The following LHX4 variants were observed in gnomAD, a reference collection of about 807,000 sequenced individuals.
LHX4 encodes LIM/homeobox protein Lhx4.
In LHX4, 16 loss-of-function variants were observed where a neutral mutation model predicts 39.2. The observed-to-expected ratio is 0.41, with a 90% CI of 0.28 to 0.62. LHX4 has a LOEUF of 0.62. Ranked by LOEUF, LHX4 falls within the 20% of genes least tolerant of loss-of-function variation. LHX4 has a pLI of 0.33. For synonymous variants in LHX4, 206 were observed against 198.1 expected, an observed-to-expected ratio of 1.04 and a Z score of -0.33; for missense variants, 439 against 511.9, an observed-to-expected ratio of 0.86 and a Z score of 1.37.
At chr1:180,261,275 G>A (rs772042395) in intron 2 of LHX4, among the ~76,000 whole-genome samples, 3 of 149,602 alleles carry the variant, frequency 2.0e-5, no homozygotes, top group Non-Finnish European at 2.9e-5. Context: ...TGAAGGGTGC[G>A]GGGAGTGGGC....
intron 1 of LHX4, among the ~76,000 whole-genome samples, chr1:180,238,026 T>C (rs1434667789): frequency 6.6e-6 from 1 of 152,262 alleles, no homozygotes; most frequent in African/African-American, 2.4e-5. Context: ...GATATCCTAC[T>C]GAAGAATACT....
intron 1 of LHX4, among the ~76,000 whole-genome samples, chr1:180,242,134 T>C (rs946535288): frequency 3.9e-5 from 6 of 152,174 alleles, no homozygotes; most frequent in African/African-American, 1.2e-4. Context: ...CCCCACTGCT[T>C]CAGGATTGGA....
chr1:180,266,314 G>C lies in LHX4; in HGVS notation c.249-78G>C, dbSNP rs1477052635. 1 of 1,421,770 alleles carries C rather than the reference G, an allele frequency of 7.0e-7. No homozygotes were observed. Among genetic ancestry groups the C allele is most frequent in the East Asian group, 2.3e-5 (1 of 44,010 alleles). The allele number at this position is 1,421,770 out of a possible 1,614,324, so 88.1% of individuals were successfully genotyped here. ...AGTCCCGGAGTGGTGGGGTAGGAGG[G>C]AGGCTGCTCCAGGAAGTTGGGGGAA... On this transcript the variant is annotated intron_variant, in intron 2 of 5. Transcript: ENST00000263726. The surrounding 1 kb of genome is among the most constrained non-coding windows in gnomAD (Gnocchi z 5.7).
chr1:180,269,880 A>C (rs2149265079), intron 3 of LHX4: 1 of 146,734 alleles, frequency 6.8e-6, no homozygotes, highest in South Asian at 2.2e-4. Flanking sequence ...GGGCTCCGGA[A>C]TCCCTACCCT....
At chr1:180,229,145 G>T (rs563161107), upstream of LHX4, among the ~76,000 whole-genome samples, 5 of 152,366 alleles carry the variant, frequency 3.3e-5, no homozygotes, top group African/African-American at 9.6e-5. Flanking sequence ...CATGCATCTC[G>T]TAAATACAGT....
In LHX4 at chr1:180,271,859, A is replaced by C; in HGVS notation, c.631A>C (p.Lys211Gln). 5 of 1,613,868 alleles carry C rather than the reference A, an allele frequency of 3.1e-6. No homozygotes were observed. The highest frequency in any genetic ancestry group is 4.2e-6 in the Non-Finnish European group (5 of 1,179,978). ...VQVWFQNRRA[K>Q]EKRLKKDAGR... ...GGTTTGGTTTCAGAACAGAAGGGCC[A>C]AAGAGAAACGCCTGAAGAAGGATGC... Residue 211 changes from lysine (K) to glutamine (Q), a missense_variant, in exon 5 of 6, where the codon AAA (lysine) becomes CAA (glutamine). Physicochemically the swap from Lys to Gln is moderately conservative, Grantham distance 53 (BLOSUM62 1). Transcript: ENST00000263726.
intron 2 of LHX4, among the ~76,000 whole-genome samples, chr1:180,261,060 A>C (rs1648096052): frequency 6.6e-6 from 1 of 151,906 alleles, no homozygotes; most frequent in Admixed American, 6.5e-5. Context: ...TTAGTAAACC[A>C]TGGGCCTCAT....
chr1:180,260,374 C>A (rs1021603500), intron 2 of LHX4, among the ~76,000 whole-genome samples: 1 of 151,726 alleles, frequency 6.6e-6, no homozygotes, highest in Non-Finnish European at 1.5e-5. Context: ...AAGGCTCGGT[C>A]CCTGCAGGGC....
chr1:180,243,063 A>C (rs751660851), intron 1 of LHX4, among the ~76,000 whole-genome samples: 21 of 152,114 alleles, frequency 1.4e-4, no homozygotes, highest in Admixed American at 2.6e-4. Flanking sequence ...ATCTGGGCTC[A>C]CTGCAATTTC....
At chr1:180,265,482 A>C (rs1036459988) in intron 2 of LHX4, among the ~76,000 whole-genome samples, 5 of 152,152 alleles carry the variant, frequency 3.3e-5, no homozygotes, top group African/African-American at 7.2e-5. Flanking sequence ...AAGGGAGTGG[A>C]AACAACCCCA....
intron 1 of LHX4, among the ~76,000 whole-genome samples, chr1:180,240,715 G>A (rs1474501167): frequency 6.6e-6 from 1 of 152,202 alleles, no homozygotes; most frequent in African/African-American, 2.4e-5. Context: ...CTCACCAGAG[G>A]GGTGTGGGCA....
Position 180,277,753 on chromosome 1 carries a change from C to T in LHX4, c.*3174C>T, listed in dbSNP as rs1054647185. On this transcript the variant is annotated 3_prime_UTR_variant, in exon 6 of 6. Transcript: ENST00000263726. ...TCTCATCTGACAGTTATGAATATAA[C>T]GTAAAATAAAGATCAACTATCATTG... 10 of 151,654 alleles carry T rather than the reference C, an allele frequency of 6.6e-5. No homozygotes were observed. Among genetic ancestry groups the T allele is most frequent in the African/African-American group, 1.9e-4 (8 of 41,228 alleles). The allele number at this position is 151,654 out of a possible 1,614,324, so 9.4% of individuals were successfully genotyped here.
At chr1:180,245,611 G>A (rs566083812) in intron 1 of LHX4, among the ~76,000 whole-genome samples, 13 of 152,306 alleles carry the variant, frequency 8.5e-5, no homozygotes, top group Admixed American at 5.9e-4. Flanking sequence ...TTGCCTTTCC[G>A]TGGGCATGAC....
chr1:180,229,959 C>CGGAGGCGGGGGGGGGGG (rs1238306398), upstream of LHX4, among the ~76,000 whole-genome samples: 4 of 22,754 alleles, frequency 1.8e-4, no homozygotes, highest in African/African-American at 2.7e-4. Flanking sequence ...GAGGCGGAGG[C>CGGAGGCGGGGGGGGGGG]GGGGAGGGGG....
chr1:180,237,221 G>T (rs968818335), intron 1 of LHX4, among the ~76,000 whole-genome samples: 1 of 152,180 alleles, frequency 6.6e-6, no homozygotes, highest in Admixed American at 6.5e-5. Flanking sequence ...CGGCGGGGGG[G>T]GCGGGGAGGA....
chr1:180,258,615 G>T (rs1420411829), intron 2 of LHX4, among the ~76,000 whole-genome samples: 1 of 152,128 alleles, frequency 6.6e-6, no homozygotes, highest in Non-Finnish European at 1.5e-5. Context: ...AGGCGGTGTG[G>T]GTGTGAGAAG....
chr1:180,239,808 T>G (rs930272440), intron 1 of LHX4, among the ~76,000 whole-genome samples: 4 of 152,248 alleles, frequency 2.6e-5, no homozygotes, highest in Non-Finnish European at 4.4e-5. Context: ...TGACCAAGTT[T>G]GGAGTGCTGG....
In LHX4 at chr1:180,278,444, T is replaced by G. The variant is rs1649173198; in HGVS notation, c.*3865T>G. 1 of 151,998 alleles carries G rather than the reference T, an allele frequency of 6.6e-6. No homozygotes were observed. The allele number at this position is 151,998 out of a possible 1,614,324, so 9.4% of individuals were successfully genotyped here. On this transcript the variant is annotated 3_prime_UTR_variant, in exon 6 of 6. Coordinates refer to ENST00000263726, the MANE Select transcript of LHX4 (RefSeq NM_033343.4). ...AAAAAGAGAGAGCTCAGCAAAGCCATCCCATCCACACTCTGCTTGGTAGGA... is the reference window on the plus strand; with the variant it reads ...AAAAAGAGAGAGCTCAGCAAAGCCAGCCCATCCACACTCTGCTTGGTAGGA...
intron 2 of LHX4, among the ~76,000 whole-genome samples, chr1:180,264,243 C>T (rs1252863172): frequency 6.6e-6 from 1 of 152,254 alleles, no homozygotes; most frequent in Non-Finnish European, 1.5e-5. Context: ...TGAGCCACCA[C>T]ACCTGGTGCC....
Sources: gnomAD v4.1 joint callset for allele counts (sites outside exome capture counted in the v4.1 genomes callset) on GRCh38, gnomAD v4.1.1 for gene constraint, Gnocchi (gnomAD v3.1) non-coding constraint, MANE v1.5 for transcripts, NCBI Gene and HGNC (gene_info 2026-07-23, HGNC 2026-07-21) for gene names.